Variants in JCAD observed in about 807,000 individuals in gnomAD.
The protein encoded by JCAD is junctional cadherin 5 associated.
In JCAD, 40 loss-of-function variants were observed where a neutral mutation model predicts 98.0. The observed-to-expected ratio is 0.41, with a 90% CI of 0.32 to 0.53. The LOEUF (loss-of-function observed/expected upper bound fraction) is 0.53. Ranked by LOEUF, JCAD falls within the 20% of genes least tolerant of loss-of-function variation. The pLI is 0.31. For synonymous variants in JCAD, 691 were observed against 682.3 expected (o/e 1.01, Z -0.20); for missense variants, 1,705 against 1,738.1 (o/e 0.98, Z 0.34).
At chr10:30,055,284 A>G (rs1837547792) in intron 1 of JCAD, among the ~76,000 whole-genome samples, 1 of 152,236 alleles carries the variant, frequency 6.6e-6, no homozygotes, top group Admixed American at 6.5e-5. Flanking sequence ...GGTCCCTCAA[A>G]TTGTTGGCAG....
At chr10:30,093,137 T>C (rs76836179) in intron 1 of JCAD, among the ~76,000 whole-genome samples, 2,361 of 152,288 alleles carry the variant, frequency 0.016, 54 homozygotes, top group African/African-American at 0.054. Flanking sequence ...AGGTTCTAGA[T>C]ATTGAGTCTA....
chr10:30,088,894 A>C (rs1049800188), intron 1 of JCAD, among the ~76,000 whole-genome samples: 1 of 152,128 alleles, frequency 6.6e-6, no homozygotes, highest in African/African-American at 2.4e-5. Flanking sequence ...AATCTCTTGA[A>C]CCCAGGAGTT....
At position 30,017,718 on chromosome 10, in the gene JCAD, G is replaced by C; in HGVS notation, c.*165C>G. ...CTTTATCGCCACAAAGCAATTCTGAGAGGATGGCAAGTTTCCTAGTGGCAG... is the reference window on the plus strand; with the variant it reads ...CTTTATCGCCACAAAGCAATTCTGACAGGATGGCAAGTTTCCTAGTGGCAG... On this transcript the variant is annotated 3_prime_UTR_variant, in exon 4 of 4. Coordinates refer to ENST00000375377, the MANE Select transcript of JCAD (RefSeq NM_020848.4). The C allele has an allele frequency of 4.4e-6, 3 of 682,072 alleles. No individual in the cohort carries two copies. Among genetic ancestry groups the C allele is most frequent in the Non-Finnish European group, 7.8e-6 (3 of 382,348 alleles). The allele number at this position is 682,072 out of a possible 1,614,324, so 42.3% of individuals were successfully genotyped here. A position where few individuals can be genotyped will look rare whatever the true frequency, so the allele number is the denominator to read the frequency against.
rs1212634731 is a variant in JCAD, at chr10:30,059,314, G to A, written c.-60+168C>T. On this transcript the variant is annotated intron_variant, in intron 1 of 3. Transcript: ENST00000375377. This position sits in a 1 kb window ranked among gnomAD's most constrained non-coding sequence, Gnocchi z 5.0. ...GCGCGGGGGGCCCAGGCGGGGCTGC[G>A]ACTGGGGGTGCAGACATCCCCCACC... Among the ~76,000 whole-genome samples the A allele has an allele frequency of 6.6e-6, 1 of 151,236 alleles. No individual in the cohort carries two copies. Among genetic ancestry groups the A allele is most frequent in the African/African-American group, 2.4e-5 (1 of 41,324 alleles).
chr10:30,035,022 A>G (rs1469746335), intron 2 of JCAD, among the ~76,000 whole-genome samples: 1 of 152,104 alleles, frequency 6.6e-6, no homozygotes, highest in Non-Finnish European at 1.5e-5. Flanking sequence ...TAGGGAGGAA[A>G]CCGTACCGTG....
intron 2 of JCAD, among the ~76,000 whole-genome samples, chr10:30,032,950 G>A (rs938028116): frequency 6.6e-6 from 1 of 152,236 alleles, no homozygotes; most frequent in Non-Finnish European, 1.5e-5. Context: ...GGAAACTGAG[G>A]CACAGGTGTT....
intron 2 of JCAD, among the ~76,000 whole-genome samples, chr10:30,039,083 T>TCTAATGAATG (rs1442900436): frequency 6.6e-6 from 1 of 152,238 alleles, no homozygotes; most frequent in African/African-American, 2.4e-5. Flanking sequence ...ACTGATGCCT[T>TCTAATGAATG]CTAATGAATG....
intron 3 of JCAD, among the ~76,000 whole-genome samples, 153 bp from the exon 4 acceptor site, chr10:30,018,070 G>A (rs927614822): frequency 2.6e-5 from 4 of 152,118 alleles, no homozygotes; most frequent in African/African-American, 7.2e-5. Flanking sequence ...TTTCACTAAG[G>A]AGTAAAAAAC....
chr10:30,050,602 T>C (rs781513904), intron 1 of JCAD, among the ~76,000 whole-genome samples: 68 of 152,308 alleles, frequency 4.5e-4, no homozygotes, highest in Admixed American at 9.1e-4. Flanking sequence ...CTACAGTCCA[T>C]TTGTCAGAAT....
chr10:30,027,387 G>C lies in JCAD; in HGVS notation c.2761C>G (p.Gln921Glu). The C allele has an allele frequency of 6.2e-7, 1 of 1,607,660 alleles. No individual in the cohort carries two copies. The highest frequency in any genetic ancestry group is 8.5e-7 in the Non-Finnish European group (1 of 1,180,004). The change falls in exon 3 of 4, where the codon CAG becomes GAG. Residue 921 changes from glutamine (Q) to glutamate (E), a missense_variant. Gln to Glu is a conservative substitution (Grantham distance 29, BLOSUM62 2). Coordinates refer to ENST00000375377, the MANE Select transcript of JCAD (RefSeq NM_020848.4). The stretch of plus-strand genomic sequence containing the variant: ...GGCCAGGCACGTGGGTGGCCAGGCT[G>C]CAGCTCCTCACTCCAGCTCTCAGAC... ...SKSESWSEEL[Q>E]PGHPRAWPPS... is the part of the protein sequence containing the mutation.
intron 1 of JCAD, among the ~76,000 whole-genome samples, chr10:30,105,117 C>T (rs938742230): frequency 6.6e-6 from 1 of 152,176 alleles, no homozygotes; most frequent in Admixed American, 6.5e-5. Flanking sequence ...CCTAAATGCA[C>T]CCTCTTCACT....
chr10:30,064,829 G>A (rs1012758085), intron 2 of JCAD, among the ~76,000 whole-genome samples: 1 of 152,028 alleles, frequency 6.6e-6, no homozygotes, highest in African/African-American at 2.4e-5. Context: ...GTGCCACCAC[G>A]CCTGGTTAAT....
At position 30,105,388 on chromosome 10, in the gene JCAD, T is replaced by A. The variant is rs1349593481; in HGVS notation, n.128+9979A>T. Among the ~76,000 whole-genome samples, 3 of 150,714 alleles carry A rather than the reference T, an allele frequency of 2.0e-5. No individual in the cohort carries two copies. The Admixed American group carries it at 2.0e-4, about 10-fold the overall frequency. On this transcript the variant is annotated intron_variant and non_coding_transcript_variant, in intron 1 of 2. Coordinates refer to the JCAD transcript ENST00000465712. The stretch of plus-strand genomic sequence containing the variant: ...TTTTTTTTTTGAGATGGAGTATTGC[T>A]CTCTTGCTCACTGCAACCTCTGCTT...
chr10:30,027,461 A>G lies in JCAD; in HGVS notation c.2687T>C (p.Met896Thr). The part of the protein sequence containing the change: ...PEMRVEPQPR[M>T]WVPESPVCRS... ...ACACACAGGGCTCTCCGGCACCCACATCCTCGGCTGTGGCTCAACCCTCAT... is the reference window on the plus strand; with the variant it reads ...ACACACAGGGCTCTCCGGCACCCACGTCCTCGGCTGTGGCTCAACCCTCAT... Residue 896 changes from methionine to threonine, a missense_variant, in exon 3 of 4, where the codon ATG becomes ACG. Met to Thr is a moderately conservative substitution (Grantham distance 81, BLOSUM62 -1). Around this residue, in one of 3 missense-constraint regions of JCAD, gnomAD observed 1,278 missense variants for 1,243.1 expected, o/e 1.03. Transcript: ENST00000375377. 2 of 1,605,372 alleles carry G rather than the reference A, an allele frequency of 1.2e-6. No homozygotes were observed. The highest frequency in any genetic ancestry group is 1.7e-6 in the Non-Finnish European group (2 of 1,179,968).
At chr10:30,080,267 C>G (rs1838059124) in intron 1 of JCAD, among the ~76,000 whole-genome samples, 1 of 151,994 alleles carries the variant, frequency 6.6e-6, no homozygotes, top group South Asian at 2.1e-4. Flanking sequence ...CTCCCTGTTC[C>G]CTCCTTCCCA....
intron 3 of JCAD, among the ~76,000 whole-genome samples, chr10:30,025,402 C>T (rs1287432722): frequency 6.6e-6 from 1 of 151,762 alleles, no homozygotes; most frequent in Non-Finnish European, 1.5e-5. Context: ...CCTGTAGTCC[C>T]AGCTACTCAG....
intron 2 of JCAD, among the ~76,000 whole-genome samples, chr10:30,069,005 G>A (rs1837835154): frequency 6.6e-6 from 1 of 152,180 alleles, no homozygotes; most frequent in Non-Finnish European, 1.5e-5. Context: ...TTGTTTATAG[G>A]GCAACTGTGA....
chr10:30,032,895 A>G (rs961150273), intron 2 of JCAD, among the ~76,000 whole-genome samples: 1 of 152,208 alleles, frequency 6.6e-6, no homozygotes, highest in Non-Finnish European at 1.5e-5. Context: ...CTTCACCAAC[A>G]TCCTTCTGAG....
intron 2 of JCAD, 52 bp from the exon 3 acceptor site, chr10:30,029,918 C>T (rs995848559): frequency 6.5e-7 from 1 of 1,530,856 alleles, no homozygotes; most frequent in African/African-American, 1.4e-5. Context: ...ATGTCTTCAT[C>T]TGCTTCTGTG....
Sources: allele counts gnomAD v4.1 joint callset (sites outside exome capture counted in the v4.1 genomes callset), GRCh38; gene constraint gnomAD v4.1.1; regional missense constraint gnomAD v4.1.1; non-coding constraint Gnocchi (gnomAD v3.1); transcripts MANE v1.5; gene names NCBI Gene and HGNC (gene_info 2026-07-23, HGNC 2026-07-21).